Variants in CARD14 observed in about 807,000 individuals in gnomAD.
The protein encoded by CARD14 is caspase recruitment domain family member 14.
Under a neutral mutation model 111.5 loss-of-function variants are expected in CARD14, and 107 were observed. The observed-to-expected ratio is 0.96, with a 90% CI of 0.82 to 1.13. The LOEUF (loss-of-function observed/expected upper bound fraction) is 1.13. Ranked by LOEUF, CARD14 falls within the 50% of genes most tolerant of loss-of-function variation. CARD14 has a pLI of 0.00. For synonymous variants in CARD14, 617 were observed against 579.6 expected (o/e 1.06, Z -0.93); for missense variants, 1,322 against 1,362.3 (o/e 0.97, Z 0.47).
rs1732598025 is a variant in CARD14, at chr17:80,195,127, G to A, written c.1357-64G>A. On this transcript the variant is annotated intron_variant, in intron 12 of 23. Transcript: ENST00000648509. This position sits in a 1 kb window ranked among gnomAD's most constrained non-coding sequence, Gnocchi z 4.7. ...GTGGCTCTCTCTACACCGTGGGGGAGCAAGGGAGGAGTCTCAGGGTGTCCT... is the reference window on the plus strand; with the variant it reads ...GTGGCTCTCTCTACACCGTGGGGGAACAAGGGAGGAGTCTCAGGGTGTCCT... 2 of 1,530,558 alleles carry A rather than the reference G, an allele frequency of 1.3e-6. No homozygotes were observed. The highest frequency in any genetic ancestry group is 2.7e-5 in the African/African-American group (2 of 73,222). 94.8% of individuals were successfully genotyped at this position (1,530,558 alleles called of 1,614,324 possible).
intron 12 of CARD14, among the ~76,000 whole-genome samples, chr17:80,193,042 A>G (rs2040578417): frequency 6.6e-6 from 1 of 152,152 alleles, no homozygotes; most frequent in Admixed American, 6.5e-5. Context: ...GAGCCACCGC[A>G]CCTGGCCCTA....
rs1234334808 is a variant in CARD14, at chr17:80,202,430, T to C, written c.2219+10T>C. ...TCCCCAACTACTCCAGGTGAGCAGC[T>C]GCCTCGAGCTCGGTGCGTCCCCAGA... On this transcript the variant is annotated intron_variant, in intron 18 of 23. Transcript: ENST00000648509. The C allele has an allele frequency of 1.2e-6, 2 of 1,607,502 alleles. No homozygotes were observed. The highest frequency in any genetic ancestry group is 2.7e-5 in the African/African-American group (2 of 74,788).
At chr17:80,190,499 G>C (rs1430845049) in intron 9 of CARD14, among the ~76,000 whole-genome samples, 1 of 151,810 alleles carries the variant, frequency 6.6e-6, no homozygotes, top group African/African-American at 2.4e-5. Flanking sequence ...TGTAATCCCA[G>C]CTACTAGGGA....
chr17:80,199,023 A>C, intron 16 of CARD14: 6 of 659,800 alleles, frequency 9.1e-6, no homozygotes, highest in Non-Finnish European at 1.1e-5. Context: ...ATCACAGCTC[A>C]CTGCAGCCTC....
rs762847886 is a variant in CARD14 at position 80,198,598 on chromosome 17, C to T, written c.1851+7C>T. ...GGGCACCCAGATTGTGATGGTGAGC[C>T]GTGCGAGGCCCCTCCTGTCCCCCGG... is the stretch of plus-strand genomic sequence containing the variant. On this transcript the variant is annotated splice_region_variant and intron_variant, in intron 16 of 23. Coordinates refer to ENST00000648509, the MANE Select transcript of CARD14 (RefSeq NM_001366385.1). The surrounding 1 kb of genome is among the most constrained non-coding windows in gnomAD (Gnocchi z 7.5). The T allele has an allele frequency of 1.3e-5, 21 of 1,611,024 alleles. No homozygotes were observed. Among genetic ancestry groups the T allele is most frequent in the South Asian group, 5.5e-5 (5 of 90,968 alleles).
rs910875948 is a variant in CARD14 at position 80,204,661 on chromosome 17, C to CTCCAGG, written c.2398+320_2398+321insTCCAGG. 15 of 386,968 alleles carry CTCCAGG rather than the reference C, an allele frequency of 3.9e-5. No homozygotes were observed. In the South Asian group the frequency reaches 4.7e-4, roughly 12 times the overall value. The allele number at this position is 386,968 out of a possible 1,614,324, so 24.0% of individuals were successfully genotyped here. A position where few individuals can be genotyped will look rare whatever the true frequency, so the allele number is the denominator to read the frequency against. The stretch of plus-strand genomic sequence containing the variant: ...AAAATTTCAGGAGAGGAGTACAGGA[C>CTCCAGG]AGAGGGAGGGCTAGGACCCTGTGCC... On this transcript the variant is annotated intron_variant, in intron 20 of 23. Transcript: ENST00000648509.
rs757759514 is a variant in CARD14 at position 80,189,053 on chromosome 17, C to T, written c.843+509C>T. 4.6e-5 allele frequency among the ~76,000 whole-genome samples: 7 copies of T among 152,022 alleles called. No individual in the cohort carries two copies. The highest frequency in any genetic ancestry group is 8.8e-5 in the Non-Finnish European group (6 of 67,988). On this transcript the variant is annotated intron_variant, in intron 8 of 23. Transcript: ENST00000648509. This position sits in a 1 kb window ranked among gnomAD's most constrained non-coding sequence, Gnocchi z 4.7. ...CGACAGAGGGAGACCCTGTCTCAAA[C>T]AAACAAAAATAAAAGCCGCTGGAGG...
Position 80,195,065 on chromosome 17 carries a change from CT to C in CARD14, c.1357-123del. 3 of 1,274,964 alleles carry C rather than the reference CT, an allele frequency of 2.4e-6. No homozygotes were observed. The South Asian group carries it at 4.5e-5, about 19-fold the overall frequency. 79.0% of individuals were successfully genotyped at this position (1,274,964 alleles called of 1,614,324 possible). A position where few individuals can be genotyped will look rare whatever the true frequency, so the allele number is the denominator to read the frequency against. On this transcript the variant is annotated intron_variant, in intron 12 of 23. Coordinates refer to ENST00000648509, the MANE Select transcript of CARD14 (RefSeq NM_001366385.1). The surrounding 1 kb of genome is among the most constrained non-coding windows in gnomAD (Gnocchi z 4.7). ...CGCATGTGACCCCATGTGTGTCCTT[CT>C]TTCCCCTCCTGCCTCCTCTCCAGTC...
At chr17:80,199,457 G>GT (rs1262605843) in intron 16 of CARD14, among the ~76,000 whole-genome samples, 4 of 149,874 alleles carry the variant, frequency 2.7e-5, no homozygotes, top group Non-Finnish European at 5.9e-5. Context: ...GTACATGCCT[G>GT]TAGTCCTAGC....
chr17:80,202,201 A>T lies in CARD14; in HGVS notation c.2000A>T (p.Asp667Val), dbSNP rs1031489302. The T allele has an allele frequency of 6.2e-7, 1 of 1,613,746 alleles. No individual in the cohort carries two copies. The highest frequency in any genetic ancestry group is 8.5e-7 in the Non-Finnish European group (1 of 1,179,948). The change falls in exon 18 of 24, where the codon GAC becomes GTC. Residue 667 changes from aspartate to valine, a missense_variant. Asp to Val is a radical substitution (Grantham distance 152). Coordinates refer to ENST00000648509, the MANE Select transcript of CARD14 (RefSeq NM_001366385.1). ...NTDGYKRLLQ[D>V]LEAKVATSGD... ...TCAGGTTATAAGAGGCTACTCCAGG[A>T]CCTGGAGGCCAAAGTGGCGACCTCG...
At chr17:80,202,115 C>T in intron 17 of CARD14, 65 bp from the exon 18 acceptor site, 2 of 1,450,304 alleles carry the variant, frequency 1.4e-6, no homozygotes, top group Non-Finnish European at 1.9e-6. Flanking sequence ...CTTTAATTTT[C>T]TGCAACCTTC....
At chr17:80,193,925 T>C (rs2144298604) in intron 12 of CARD14, among the ~76,000 whole-genome samples, 1 of 152,014 alleles carries the variant, frequency 6.6e-6, no homozygotes, top group South Asian at 2.1e-4. Flanking sequence ...GTGGATTGGG[T>C]CAGGGAGGGA....
chr17:80,201,433 C>T lies in CARD14; in HGVS notation c.1852-311C>T, dbSNP rs1191797956. The stretch of plus-strand genomic sequence containing the variant: ...AGAATGCTCTTGAATGTTCTAGAAC[C>T]GAGGTTCTTTCTTTTCTTTTCTTTT... On this transcript the variant is annotated intron_variant, in intron 16 of 23. Transcript: ENST00000648509. This position sits in a 1 kb window ranked among gnomAD's most constrained non-coding sequence, Gnocchi z 5.0. 6 of 353,948 alleles carry T rather than the reference C, an allele frequency of 1.7e-5. No individual in the cohort carries two copies. The highest frequency in any genetic ancestry group is 2.1e-5 in the Non-Finnish European group (4 of 190,256). 21.9% of individuals were successfully genotyped at this position (353,948 alleles called of 1,614,324 possible). A position where few individuals can be genotyped will look rare whatever the true frequency, so the allele number is the denominator to read the frequency against.
Position 80,182,541 on chromosome 17 carries a change from A to G in CARD14, c.212-112A>G. ...ACCGCTTTCACCTCCCGATTCTTACATGTGCGGGGGGTTTCCCAGCCCCAG... is the reference window on the plus strand; with the variant it reads ...ACCGCTTTCACCTCCCGATTCTTACGTGTGCGGGGGGTTTCCCAGCCCCAG... On this transcript the variant is annotated intron_variant, in intron 5 of 23. Transcript: ENST00000648509. The surrounding 1 kb of genome is among the most constrained non-coding windows in gnomAD (Gnocchi z 4.7). The G allele has an allele frequency of 7.8e-7, 1 of 1,283,030 alleles. No individual in the cohort carries two copies. The highest frequency in any genetic ancestry group is 1.1e-6 in the Non-Finnish European group (1 of 931,496). The allele number at this position is 1,283,030 out of a possible 1,614,324, so 79.5% of individuals were successfully genotyped here.
Position 80,195,573 on chromosome 17 carries a change from C to T in CARD14, c.1515C>T (p.Ile505=). Residue 505 remains isoleucine, a synonymous_variant, in exon 14 of 24, where the codon ATC becomes ATT. Transcript: ENST00000648509. The surrounding 1 kb of genome is among the most constrained non-coding windows in gnomAD (Gnocchi z 4.7). The part of the protein sequence containing the change: ...EPWSFSSCLE[I]PEGDPGALPG... Reference sequence around the variant, plus strand: ...TGCTTTGCAGCAGCTGCCTGGAGATCCCGGAGGGAGACCCGGGAGCCCTGC... The same window carrying T: ...TGCTTTGCAGCAGCTGCCTGGAGATTCCGGAGGGAGACCCGGGAGCCCTGC... 1 of 1,612,096 alleles carries T rather than the reference C, an allele frequency of 6.2e-7. No individual in the cohort carries two copies. Among genetic ancestry groups the T allele is most frequent in the Non-Finnish European group, 8.5e-7 (1 of 1,179,650 alleles).
chr17:80,171,720 T>C lies in CARD14; in HGVS notation c.-689-1186T>C, dbSNP rs4889985. 9.5e-3 allele frequency among the ~76,000 whole-genome samples: 1,445 copies of C among 152,240 alleles called. 23 individuals carry two copies. Among genetic ancestry groups the C allele is most frequent in the East Asian group, 0.042 (219 of 5,182 alleles). ...CCTGAGGGGCAGCTGGCTGGGGCAG[T>C]TGGCTGGGGTCTGGAGAGTTCTGCA... On this transcript the variant is annotated intron_variant, in intron 1 of 23. Transcript: ENST00000648509.
At position 80,189,935 on chromosome 17, in the gene CARD14, G is replaced by A; in HGVS notation, c.963+63G>A. On this transcript the variant is annotated intron_variant, in intron 9 of 23. Coordinates refer to ENST00000648509, the MANE Select transcript of CARD14 (RefSeq NM_001366385.1). The surrounding 1 kb of genome is among the most constrained non-coding windows in gnomAD (Gnocchi z 4.7). ...GGGCTTGTCTCAGGGGTGCGGACAG[G>A]TCTGTGGGGAAGCCAGATTCCTTCA... The A allele has an allele frequency of 2.0e-6, 3 of 1,533,088 alleles. No individual in the cohort carries two copies. Among genetic ancestry groups the A allele is most frequent in the South Asian group, 2.5e-5 (2 of 79,152 alleles). 95.0% of individuals were successfully genotyped at this position (1,533,088 alleles called of 1,614,324 possible). A position where few individuals can be genotyped will look rare whatever the true frequency, so the allele number is the denominator to read the frequency against.
At position 80,201,760 on chromosome 17, in the gene CARD14, C is replaced by T; in HGVS notation, c.1868C>T (p.Ser623Leu). 4 of 1,614,024 alleles carry T rather than the reference C, an allele frequency of 2.5e-6. No homozygotes were observed. The highest frequency in any genetic ancestry group is 3.4e-6 in the Non-Finnish European group (4 of 1,179,942). The change falls in exon 17 of 24, where the codon TCA becomes TTA. Residue 623 changes from serine to leucine, a missense_variant. By Grantham distance (145) the Ser-to-Leu change is moderately radical. Transcript: ENST00000648509. This position sits in a 1 kb window ranked among gnomAD's most constrained non-coding sequence, Gnocchi z 5.0. ...TQIVMVDYEA[S>L]EPLFKAVLED... ...TGCCCTCAGGTTGATTACGAAGCCT[C>T]AGAGCCCTTGTTCAAGGCAGTCCTG... is the stretch of plus-strand genomic sequence containing the variant.
Position 80,195,287 on chromosome 17 carries a change from T to C in CARD14, c.1453T>C (p.Tyr485His). The C allele has an allele frequency of 6.2e-7, 1 of 1,612,990 alleles. No individual in the cohort carries two copies. Among genetic ancestry groups the C allele is most frequent in the Non-Finnish European group, 8.5e-7 (1 of 1,179,816 alleles). ...CGCGCCCCCCAGCCAGCAGTCCCTG[T>C]ACAAGCGGGTGGCCGAGGACTTCGG... The part of the protein sequence containing the change: ...SPAPPSQQSL[Y>H]KRVAEDFGEE... Residue 485 changes from tyrosine to histidine, a missense_variant, in exon 13 of 24, where the codon TAC becomes CAC. Physicochemically the swap from Tyr to His is moderately conservative, Grantham distance 83. Transcript: ENST00000648509. This position sits in a 1 kb window ranked among gnomAD's most constrained non-coding sequence, Gnocchi z 4.7.
Sources: gnomAD v4.1 joint callset for allele counts (sites outside exome capture counted in the v4.1 genomes callset) on GRCh38, gnomAD v4.1.1 for gene constraint, Gnocchi (gnomAD v3.1) non-coding constraint, MANE v1.5 for transcripts, NCBI Gene and HGNC (gene_info 2026-07-23, HGNC 2026-07-21) for gene names.